Variants in CAMK1D observed in about 807,000 individuals in gnomAD.
The protein encoded by CAMK1D is calcium/calmodulin-dependent protein kinase type 1D.
Under a neutral mutation model 47.7 loss-of-function variants are expected in CAMK1D, and 9 were observed. That is an observed-to-expected ratio of 0.19 (90% CI 0.11 to 0.33). The LOEUF is 0.33. Ranked by LOEUF, CAMK1D falls within the 10% of genes least tolerant of loss-of-function variation. CAMK1D has a pLI of 1.00. For synonymous variants in CAMK1D, 184 were observed against 184.9 expected (o/e 0.99, Z 0.04); for missense variants, 291 against 488.7 (o/e 0.60, Z 3.81).
chr10:12,548,459 T>C (rs1836470549), intron 1 of CAMK1D, among the ~76,000 whole-genome samples: 1 of 145,898 alleles, frequency 6.9e-6, no homozygotes, highest in Non-Finnish European at 1.5e-5. Flanking sequence ...TTTTTTTTTT[T>C]TTTTTTTTTT....
At chr10:12,722,381 G>A in intron 3 of CAMK1D, among the ~76,000 whole-genome samples, 1 of 128,248 alleles carries the variant, frequency 7.8e-6, no homozygotes, top group East Asian at 2.6e-4. Flanking sequence ...AGGAGGCAGA[G>A]CTTGCAATGA....
chr10:12,384,893 C>T (rs1381329557), intron 1 of CAMK1D, among the ~76,000 whole-genome samples: 1 of 152,084 alleles, frequency 6.6e-6, no homozygotes, highest in Non-Finnish European at 1.5e-5. Flanking sequence ...CTGTAAAGGG[C>T]TTGAATCTAC....
chr10:12,705,107 A>G (rs1219649593), intron 3 of CAMK1D, among the ~76,000 whole-genome samples: 1 of 152,210 alleles, frequency 6.6e-6, no homozygotes, highest in Non-Finnish European at 1.5e-5. Context: ...CCATCACTGG[A>G]TACTGAAATC....
At chr10:12,751,054 AAGAT>A (rs1835926597) in intron 3 of CAMK1D, among the ~76,000 whole-genome samples, 1 of 250 alleles carries the variant, frequency 4.0e-3, no homozygotes, top group East Asian at 0.026. Flanking sequence ...CTCCCCCAAT[AAGAT>A]AAGATAAGAT....
At chr10:12,752,087 G>A (rs550921812) in intron 3 of CAMK1D, among the ~76,000 whole-genome samples, 7 of 151,858 alleles carry the variant, frequency 4.6e-5, no homozygotes, top group East Asian at 1.9e-4. Flanking sequence ...GTTTTCAAGC[G>A]ATTCTCCCAC....
At chr10:12,375,387 G>T (rs1020209049) in intron 1 of CAMK1D, among the ~76,000 whole-genome samples, 1 of 152,110 alleles carries the variant, frequency 6.6e-6, no homozygotes. Context: ...AATCATCCCC[G>T]CCTTCCGTGT....
intron 2 of CAMK1D, among the ~76,000 whole-genome samples, chr10:12,609,581 G>A (rs866864151): frequency 4.6e-5 from 7 of 152,110 alleles, no homozygotes; most frequent in South Asian, 2.1e-4. Flanking sequence ...CAGATCCCTC[G>A]CATGCGCAGT....
rs548394438 is a variant in CAMK1D at position 12,736,734 on chromosome 10, A to T, written c.300-24214A>T. Reference sequence around the variant, plus strand: ...GCTTCTTTTGATGAATAGCACCACCATCTCCCTGGCCGCTCTCGCCAGAGC... The same window carrying T: ...GCTTCTTTTGATGAATAGCACCACCTTCTCCCTGGCCGCTCTCGCCAGAGC... On this transcript the variant is annotated intron_variant, in intron 3 of 10. Coordinates refer to ENST00000619168, the MANE Select transcript of CAMK1D (RefSeq NM_153498.4). Among the ~76,000 whole-genome samples, 3 of 152,110 alleles carry T rather than the reference A, an allele frequency of 2.0e-5. No homozygotes were observed. In the South Asian group the frequency reaches 6.2e-4, roughly 32 times the overall value.
chr10:12,548,993 C>T (rs1388434359), intron 1 of CAMK1D, among the ~76,000 whole-genome samples: 1 of 152,158 alleles, frequency 6.6e-6, no homozygotes, highest in Non-Finnish European at 1.5e-5. Context: ...GTAGCTGGGA[C>T]TACAGACATG....
intron 2 of CAMK1D, among the ~76,000 whole-genome samples, chr10:12,650,250 C>T (rs749547782): frequency 1.7e-4 from 26 of 152,216 alleles, no homozygotes; most frequent in Non-Finnish European, 2.9e-4. Context: ...GTGCAGGGCT[C>T]ACCAGCCCAG....
chr10:12,357,798 C>T (rs1367141119), intron 1 of CAMK1D, among the ~76,000 whole-genome samples: 2 of 152,114 alleles, frequency 1.3e-5, no homozygotes, highest in African/African-American at 2.4e-5. Flanking sequence ...GTTGGCTATG[C>T]CCCTTTGACT....
At chr10:12,691,404 AATAT>A (rs1832913861) in intron 3 of CAMK1D, among the ~76,000 whole-genome samples, 1 of 7,268 alleles carries the variant, frequency 1.4e-4, no homozygotes, top group African/African-American at 5.0e-4. Flanking sequence ...TATATATATA[AATAT>A]ATATATATAT....
chr10:12,709,933 G>A (rs1444553681), intron 3 of CAMK1D, among the ~76,000 whole-genome samples: 1 of 152,150 alleles, frequency 6.6e-6, no homozygotes, highest in Non-Finnish European at 1.5e-5. Flanking sequence ...GTCGATGCCT[G>A]CAGTTTCTTG....
At chr10:12,474,676 C>T (rs2132082973) in intron 1 of CAMK1D, among the ~76,000 whole-genome samples, 1 of 151,978 alleles carries the variant, frequency 6.6e-6, no homozygotes, top group Non-Finnish European at 1.5e-5. Context: ...GTTTGCTGTA[C>T]AGATTTTTTT....
chr10:12,709,620 A>AG (rs907888471), intron 3 of CAMK1D, among the ~76,000 whole-genome samples: 5 of 152,186 alleles, frequency 3.3e-5, no homozygotes, highest in African/African-American at 1.2e-4. Context: ...AGAGGTGGAG[A>AG]GGAGGGCCTG....
chr10:12,714,853 A>G (rs944937824), intron 3 of CAMK1D, among the ~76,000 whole-genome samples: 1 of 151,664 alleles, frequency 6.6e-6, no homozygotes, highest in African/African-American at 2.4e-5. Context: ...TTATTGATAC[A>G]TAATGCTTCT....
chr10:12,618,756 C>T (rs567937520), intron 2 of CAMK1D, among the ~76,000 whole-genome samples: 3 of 152,014 alleles, frequency 2.0e-5, no homozygotes, highest in Non-Finnish European at 4.4e-5. Context: ...TTAAACTTTG[C>T]GTAGGAAGAA....
intron 1 of CAMK1D, among the ~76,000 whole-genome samples, chr10:12,366,195 A>G (rs1325201271): frequency 3.9e-5 from 6 of 152,242 alleles, no homozygotes; most frequent in Non-Finnish European, 8.8e-5. Context: ...ACAAACCCCA[A>G]AGTTTCATAG....
intron 1 of CAMK1D, among the ~76,000 whole-genome samples, chr10:12,414,666 AT>A (rs1839783522): frequency 6.6e-6 from 1 of 152,200 alleles, no homozygotes. Context: ...GTTTTGGAAT[AT>A]TTTAGGCAAA....
Sources: gnomAD v4.1 joint callset for allele counts (sites outside exome capture counted in the v4.1 genomes callset) on GRCh38, gnomAD v4.1.1 for gene constraint, MANE v1.5 for transcripts, NCBI Gene and HGNC (gene_info 2026-07-23, HGNC 2026-07-21) for gene names.